The following OR1J2 variants were observed in gnomAD, a reference collection of about 807,000 sequenced individuals.
The protein encoded by OR1J2 is olfactory receptor 1J2.
For synonymous variants in OR1J2, 142 were observed against 99.7 expected (o/e 1.42, Z -2.52); for missense variants, 304 against 246.1 (o/e 1.24, Z -1.57).
the OR1J2 span, among the ~76,000 whole-genome samples, chr9:122,532,382 C>A: frequency 3.9e-5 from 6 of 151,934 alleles, no homozygotes; most frequent in African/African-American, 1.2e-4. Flanking sequence ...CTGGTGGAAC[C>A]GCCATCAATA....
the OR1J2 span, among the ~76,000 whole-genome samples, chr9:122,458,635 G>T: frequency 1.3e-5 from 2 of 152,138 alleles, no homozygotes; most frequent in Admixed American, 1.3e-4. Context: ...ACTATCACGA[G>T]AACAGCATGG....
chr9:122,506,469 T>G (rs1046358833), upstream of OR1J2, among the ~76,000 whole-genome samples: 2 of 152,156 alleles, frequency 1.3e-5, no homozygotes, highest in South Asian at 4.1e-4. Flanking sequence ...TAAACAGGAA[T>G]GAGTTTGTAC....
chr9:122,528,863 G>A, the OR1J2 span, among the ~76,000 whole-genome samples: 2 of 151,882 alleles, frequency 1.3e-5, no homozygotes, highest in African/African-American at 4.8e-5. Flanking sequence ...TGAAAACCAG[G>A]GTATCAATGC....
downstream of OR1J2, among the ~76,000 whole-genome samples, chr9:122,513,718 G>T (rs907485173): frequency 6.6e-6 from 1 of 151,960 alleles, no homozygotes; most frequent in Non-Finnish European, 1.5e-5. Flanking sequence ...ACAGGCCCTG[G>T]TGTGTGATGT....
chr9:122,553,429 A>T, the OR1J2 span: 1 of 1,614,034 alleles, frequency 6.2e-7, no homozygotes, highest in South Asian at 1.1e-5. Flanking sequence ...TCATTAACTG[A>T]TGCCTGTTTC....
At chr9:122,450,085 G>T in the OR1J2 span, among the ~76,000 whole-genome samples, 1 of 152,088 alleles carries the variant, frequency 6.6e-6, no homozygotes, top group African/African-American at 2.4e-5. Context: ...TTGTAGAAAG[G>T]TTAAATCAAG....
rs770268938 is a variant in OR1J2, at chr9:122,511,620, T to C, written c.819T>C (p.Ile273=). The change falls in exon 1 of 1, where the codon ATT becomes ATC. Residue 273 remains isoleucine, a synonymous_variant. Coordinates refer to ENST00000335302, the MANE Select transcript of OR1J2 (RefSeq NM_054107.1). ...TVSSSIDKDV[I]VALMYTVVTP... Reference sequence around the variant, plus strand: ...GCAGTTCTATTGACAAGGATGTCATTGTGGCTCTCATGTACACGGTGGTCA... The same window carrying C: ...GCAGTTCTATTGACAAGGATGTCATCGTGGCTCTCATGTACACGGTGGTCA... 3.8e-6 allele frequency: 3 copies of C among 781,116 alleles called. No homozygotes were observed. The highest frequency in any genetic ancestry group is 7.2e-6 in the Non-Finnish European group (3 of 418,132). 48.4% of individuals were successfully genotyped at this position (781,116 alleles called of 1,614,324 possible).
chr9:122,519,253 C>T, the OR1J2 span: 78 of 1,613,918 alleles, frequency 4.8e-5, 1 homozygote, highest in African/African-American at 5.3e-5. Context: ...TACCTGATCA[C>T]GGTGCTGGGG....
At chr9:122,503,783 G>T in the OR1J2 span, among the ~76,000 whole-genome samples, 1 of 152,030 alleles carries the variant, frequency 6.6e-6, no homozygotes, top group Non-Finnish European at 1.5e-5. Flanking sequence ...TATCTTTACC[G>T]CAGGCCATTT....
chr9:122,487,327 T>C, the OR1J2 span, among the ~76,000 whole-genome samples: 1 of 152,126 alleles, frequency 6.6e-6, no homozygotes, highest in African/African-American at 2.4e-5. Flanking sequence ...AACATTTTCC[T>C]AAAGAGGAAA....
the OR1J2 span, among the ~76,000 whole-genome samples, chr9:122,550,208 G>A: frequency 7.5e-4 from 114 of 152,188 alleles, no homozygotes; most frequent in Non-Finnish European, 1.9e-4. Context: ...CCAGGAACAA[G>A]TAGAAATGCT....
At chr9:122,478,975 G>A in the OR1J2 span, among the ~76,000 whole-genome samples, 16 of 151,998 alleles carry the variant, frequency 1.1e-4, no homozygotes, top group Non-Finnish European at 2.1e-4. Flanking sequence ...TGATCCACCC[G>A]CCTCAGCCTC....
At chr9:122,554,950 T>A in the OR1J2 span, among the ~76,000 whole-genome samples, 1 of 152,156 alleles carries the variant, frequency 6.6e-6, no homozygotes. Context: ...TGCTGGAAAT[T>A]TTTAGGGCAA....
At chr9:122,449,136 A>G in the OR1J2 span, among the ~76,000 whole-genome samples, 1 of 152,162 alleles carries the variant, frequency 6.6e-6, no homozygotes. Flanking sequence ...CACAATTTAT[A>G]TAGCTTTACA....
chr9:122,505,403 C>T, the OR1J2 span, among the ~76,000 whole-genome samples: 4 of 152,072 alleles, frequency 2.6e-5, no homozygotes, highest in Admixed American at 1.3e-4. Flanking sequence ...GTCATGATAA[C>T]CTATTAATCA....
chr9:122,475,731 G>T, the OR1J2 span: 1 of 152,060 alleles, frequency 6.6e-6, no homozygotes, highest in Admixed American at 6.6e-5. Flanking sequence ...TTAACATCCT[G>T]ACACACACTA....
chr9:122,567,396 C>A, the OR1J2 span: 1 of 553,888 alleles, frequency 1.8e-6, no homozygotes, highest in Non-Finnish European at 3.1e-6. Context: ...ATTGTTGGGT[C>A]ATCATCAATG....
chr9:122,511,224 T>C lies in OR1J2; in HGVS notation c.423T>C (p.Cys141=). 1 of 752,752 alleles carries C rather than the reference T, an allele frequency of 1.3e-6. No individual in the cohort carries two copies. The highest frequency in any genetic ancestry group is 2.5e-6 in the Non-Finnish European group (1 of 405,642). The allele number at this position is 752,752 out of a possible 1,614,324, so 46.6% of individuals were successfully genotyped here. A position where few individuals can be genotyped will look rare whatever the true frequency, so the allele number is the denominator to read the frequency against. ...HYTVIMREEL[C]VFLVAVSWIL... Reference sequence around the variant, plus strand: ...CTGTCATCATGAGGGAAGAGCTCTGTGTCTTCTTAGTGGCTGTATCTTGGA... The same window carrying C: ...CTGTCATCATGAGGGAAGAGCTCTGCGTCTTCTTAGTGGCTGTATCTTGGA... Residue 141 remains cysteine (C), a synonymous_variant, in exon 1 of 1, where the codon TGT becomes TGC. Coordinates refer to ENST00000335302, the MANE Select transcript of OR1J2 (RefSeq NM_054107.1).
the OR1J2 span, among the ~76,000 whole-genome samples, chr9:122,548,699 C>T: frequency 0.022 from 3,284 of 150,592 alleles, 52 homozygotes; most frequent in Non-Finnish European, 0.034. Context: ...ACCCATTAAC[C>T]GGTCATTTAC....
Sources: gnomAD v4.1 joint callset for allele counts (sites outside exome capture counted in the v4.1 genomes callset) on GRCh38, gnomAD v4.1.1 for gene constraint, MANE v1.5 for transcripts, NCBI Gene and HGNC (gene_info 2026-07-23, HGNC 2026-07-21) for gene names.